Variants in UBE2L3 observed in about 807,000 individuals in gnomAD.
UBE2L3 encodes ubiquitin-conjugating enzyme E2 L3.
In UBE2L3, 1 loss-of-function variant was observed where a neutral mutation model predicts 17.8. The ratio of observed to expected loss-of-function variants is 0.06; its 90% confidence interval spans 0.02 to 0.27. The LOEUF (loss-of-function observed/expected upper bound fraction) is 0.27, where lower values mean the gene tolerates loss of function less well. Among genes scored for constraint, UBE2L3 ranks in the 10% least tolerant of loss-of-function variants. The probability of loss-of-function intolerance (pLI) is 1.00; values close to 1 mark genes in which losing one functional copy is unlikely to be tolerated. For synonymous variants in UBE2L3, 44 were observed against 68.5 expected (o/e 0.64, Z 1.76); for missense variants, 40 against 192.6 (o/e 0.21, Z 4.69).
chr22:21,606,301 C>T (rs893947513), intron 2 of UBE2L3, among the ~76,000 whole-genome samples: 11 of 133,588 alleles, frequency 8.2e-5, no homozygotes, highest in Admixed American at 1.6e-4. Flanking sequence ...TGTGCGCGCG[C>T]GCGTGTGTGT....
intron 2 of UBE2L3, among the ~76,000 whole-genome samples, chr22:21,602,038 C>T (rs1928895758): frequency 6.6e-6 from 1 of 151,748 alleles, no homozygotes; most frequent in African/African-American, 2.4e-5. Context: ...CCCTTGTTCT[C>T]TCTTAACAGG....
At chr22:21,580,748 T>C (rs886256985) in intron 1 of UBE2L3, among the ~76,000 whole-genome samples, 2 of 151,840 alleles carry the variant, frequency 1.3e-5, no homozygotes, top group Admixed American at 6.6e-5. Flanking sequence ...TGTACCGGAC[T>C]TAATTTTTGT....
At chr22:21,595,000 T>A (rs1394700974) in intron 2 of UBE2L3, among the ~76,000 whole-genome samples, 1 of 152,242 alleles carries the variant, frequency 6.6e-6, no homozygotes, top group African/African-American at 2.4e-5. Context: ...GGTAGATTGC[T>A]GCTGGGCATG....
chr22:21,573,498 A>G (rs1601397230), intron 1 of UBE2L3, among the ~76,000 whole-genome samples: 1 of 152,176 alleles, frequency 6.6e-6, no homozygotes, highest in African/African-American at 2.4e-5. Flanking sequence ...ACCTGGAACA[A>G]AGAAATCCTG....
At chr22:21,567,886 C>T in intron 1 of UBE2L3, 115 bp downstream of exon 1, 2 of 1,536,416 alleles carry the variant, frequency 1.3e-6, no homozygotes, top group Non-Finnish European at 1.8e-6. Context: ...CCCTACACGG[C>T]CTCGTCGGTT....
rs371127802 is a variant in UBE2L3 at position 21,598,195 on chromosome 22, A to ATGTGTGTG, written c.123+5247_123+5254dup. Among the ~76,000 whole-genome samples, 200 of 148,512 alleles carry ATGTGTGTG rather than the reference A, an allele frequency of 1.3e-3. 1 individual carries two copies. Among genetic ancestry groups the ATGTGTGTG allele is most frequent in the African/African-American group, 4.6e-3 (189 of 40,796 alleles). ...GATCTCTTCAAGGAAGGTTTCATTAATGTGTGTGTGTGTGTTTTTCATTTA... is the reference window on the plus strand; with the variant it reads ...GATCTCTTCAAGGAAGGTTTCATTAATGTGTGTGTGTGTGTGTGTGTGTTTTTCATTTA... On this transcript the variant is annotated intron_variant, in intron 2 of 3. Coordinates refer to ENST00000342192, the MANE Select transcript of UBE2L3 (RefSeq NM_003347.4).
At chr22:21,573,455 TGAG>T (rs1927094653) in intron 1 of UBE2L3, among the ~76,000 whole-genome samples, 1 of 152,084 alleles carries the variant, frequency 6.6e-6, no homozygotes, top group Non-Finnish European at 1.5e-5. Context: ...CCTCTGCCCT[TGAG>T]GAGCTCAACA....
At chr22:21,588,210 G>C (rs555115050) in intron 1 of UBE2L3, among the ~76,000 whole-genome samples, 1 of 152,282 alleles carries the variant, frequency 6.6e-6, no homozygotes, top group South Asian at 2.1e-4. Flanking sequence ...CTAGAGCTGG[G>C]CTGCTCTTGC....
chr22:21,621,861 T>A lies in UBE2L3; in HGVS notation c.*192T>A, dbSNP rs373692601. On this transcript the variant is annotated 3_prime_UTR_variant, in exon 4 of 4. Transcript: ENST00000342192. ...AACCTGTAAAGAAAGGATTAAAAAT[T>A]TAAGATGTTCTAGTTCTGCTCTCTT... The A allele has an allele frequency of 1.5e-5, 8 of 545,578 alleles. No individual in the cohort carries two copies. The allele number at this position is 545,578 out of a possible 1,614,324, so 33.8% of individuals were successfully genotyped here. A position where few individuals can be genotyped will look rare whatever the true frequency, so the allele number is the denominator to read the frequency against.
At chr22:21,567,877 C>A in intron 1 of UBE2L3, 106 bp downstream of exon 1, 2 of 1,541,974 alleles carry the variant, frequency 1.3e-6, no homozygotes, top group Non-Finnish European at 1.7e-6. Context: ...GGCTTCCTGC[C>A]CTACACGGCC....
At chr22:21,607,619 G>A (rs558483819) in intron 2 of UBE2L3, among the ~76,000 whole-genome samples, 131 of 152,274 alleles carry the variant, frequency 8.6e-4, no homozygotes, top group Non-Finnish European at 1.7e-3. Context: ...ACCTGGGTGA[G>A]GGAAAAGGGA....
At chr22:21,605,980 T>C (rs149218679) in intron 2 of UBE2L3, among the ~76,000 whole-genome samples, 1 of 152,356 alleles carries the variant, frequency 6.6e-6, no homozygotes, top group African/African-American at 2.4e-5. Flanking sequence ...AATCTGCTTC[T>C]CTTGAGCTTT....
intron 2 of UBE2L3, among the ~76,000 whole-genome samples, chr22:21,602,308 T>C (rs1928910384): frequency 6.6e-6 from 1 of 152,174 alleles, no homozygotes; most frequent in African/African-American, 2.4e-5. Flanking sequence ...AGGTCAGCCA[T>C]GAGTCCTGTC....
At chr22:21,571,832 C>G (rs761577272) in intron 1 of UBE2L3, among the ~76,000 whole-genome samples, 3 of 152,066 alleles carry the variant, frequency 2.0e-5, no homozygotes, top group Non-Finnish European at 2.9e-5. Flanking sequence ...AGGTAGTTTG[C>G]TTTTGAGTAT....
At chr22:21,568,510 T>A (rs529057199) in intron 1 of UBE2L3, 37 of 877,952 alleles carry the variant, frequency 4.2e-5, no homozygotes, top group Non-Finnish European at 5.1e-5. Context: ...ACGGTTGATT[T>A]CAGTCGTTCG....
intron 1 of UBE2L3, among the ~76,000 whole-genome samples, chr22:21,569,327 T>C (rs1040954152): frequency 7.5e-6 from 1 of 134,104 alleles, no homozygotes; most frequent in Admixed American, 9.0e-5. Context: ...ACCCGGCAGG[T>C]GGAGGTTGCA....
intron 2 of UBE2L3, among the ~76,000 whole-genome samples, chr22:21,605,472 CTT>C (rs1303540507): frequency 6.6e-6 from 1 of 152,006 alleles, no homozygotes; most frequent in Admixed American, 6.6e-5. Flanking sequence ...CTGCCTCGGC[CTT>C]TTTTTAGTAT....
intron 1 of UBE2L3, among the ~76,000 whole-genome samples, chr22:21,588,942 G>T (rs368508681): frequency 6.6e-6 from 1 of 152,074 alleles, no homozygotes; most frequent in Admixed American, 6.6e-5. Context: ...GATTACAGGC[G>T]TGAGCCACTG....
At chr22:21,610,509 T>C (rs1298153379) in intron 2 of UBE2L3, among the ~76,000 whole-genome samples, 2 of 152,188 alleles carry the variant, frequency 1.3e-5, no homozygotes, top group Admixed American at 6.5e-5. Context: ...GGGATGCTGA[T>C]AGTGGGAAAA....
Sources: gnomAD v4.1 joint callset for allele counts (sites outside exome capture counted in the v4.1 genomes callset) on GRCh38, gnomAD v4.1.1 for gene constraint, MANE v1.5 for transcripts, NCBI Gene and HGNC (gene_info 2026-07-23, HGNC 2026-07-21) for gene names.